SDC2: variants seen among roughly 807,000 people sequenced by gnomAD.
The protein encoded by SDC2 is syndecan 2, also known as syndecan-2.
A neutral mutation model predicts 22.2 loss-of-function variants in SDC2; 13 were observed. The observed-to-expected ratio is 0.59, with a 90% confidence interval of 0.38 to 0.93. The LOEUF (loss-of-function observed/expected upper bound fraction) is 0.93. Ranked by LOEUF, SDC2 falls within the 40% of genes least tolerant of loss-of-function variation. The pLI, the probability that SDC2 is intolerant of heterozygous loss-of-function variation, is 0.00. For synonymous variants in SDC2, 94 were observed against 92.8 expected (o/e 1.01, Z -0.07); for missense variants, 235 against 246.8 (o/e 0.95, Z 0.32).
At chr8:96,600,114 G>A (rs1814952972) in intron 2 of SDC2, among the ~76,000 whole-genome samples, 2 of 152,248 alleles carry the variant, frequency 1.3e-5, no homozygotes, top group East Asian at 1.9e-4. Context: ...AGCCATGATC[G>A]CACCCCTGCA....
intron 2 of SDC2, among the ~76,000 whole-genome samples, chr8:96,595,210 T>C (rs1814852472): frequency 6.6e-6 from 1 of 152,212 alleles, no homozygotes; most frequent in Non-Finnish European, 1.5e-5. Context: ...GTATAACTTT[T>C]GTGATCAGAT....
chr8:96,545,466 A>AG (rs1813916452), intron 1 of SDC2, among the ~76,000 whole-genome samples: 1 of 152,164 alleles, frequency 6.6e-6, no homozygotes, highest in Admixed American at 6.5e-5. Context: ...TGAGGACTTG[A>AG]GATTTGCCTT....
chr8:96,536,134 A>G (rs1473547105), intron 1 of SDC2, among the ~76,000 whole-genome samples: 1 of 149,792 alleles, frequency 6.7e-6, no homozygotes, highest in African/African-American at 2.4e-5. Context: ...GGCTTATCCT[A>G]GCTTTTCTTT....
At chr8:96,570,717 A>G (rs1814379634) in intron 1 of SDC2, among the ~76,000 whole-genome samples, 2 of 152,362 alleles carry the variant, frequency 1.3e-5, no homozygotes, top group Admixed American at 1.3e-4. Context: ...TGAAAAAAAT[A>G]TATAAAATAT....
At chr8:96,517,428 A>C (rs1270113505) in intron 1 of SDC2, among the ~76,000 whole-genome samples, 1 of 152,232 alleles carries the variant, frequency 6.6e-6, no homozygotes, top group Non-Finnish European at 1.5e-5. Context: ...GGAAACATCT[A>C]TTCCTATTTT....
chr8:96,576,416 C>CTT (rs71267268), intron 1 of SDC2, among the ~76,000 whole-genome samples: 31 of 13,812 alleles, frequency 2.2e-3, no homozygotes, highest in East Asian at 3.8e-3. Flanking sequence ...TTATTATTCT[C>CTT]TTTTTTTTTT....
In SDC2 at chr8:96,611,683, A is replaced by G. The variant is rs1266057521; in HGVS notation, c.*2135A>G. Reference sequence around the variant, plus strand: ...CTGCTGGGAATATCCGTGCCAGGAAAAGAAAAATTTCTGGCAAATATTTTG... The same window carrying G: ...CTGCTGGGAATATCCGTGCCAGGAAGAGAAAAATTTCTGGCAAATATTTTG... On this transcript the variant is annotated 3_prime_UTR_variant, in exon 5 of 5. Transcript: ENST00000302190. 1 of 152,666 alleles carries G rather than the reference A, an allele frequency of 6.6e-6. No homozygotes were observed. Among genetic ancestry groups the G allele is most frequent in the Non-Finnish European group, 1.5e-5 (1 of 68,042 alleles). 9.5% of individuals were successfully genotyped at this position (152,666 alleles called of 1,614,324 possible). A position where few individuals can be genotyped will look rare whatever the true frequency, so the allele number is the denominator to read the frequency against.
Position 96,532,412 on chromosome 8 carries a change from G to GTTTTTTTTTT in SDC2, c.60+38095_60+38104dup, listed in dbSNP as rs35452131. On this transcript the variant is annotated intron_variant, in intron 1 of 4. Coordinates refer to ENST00000302190, the MANE Select transcript of SDC2 (RefSeq NM_002998.4). ...CCTGAGTCTCTCTGCTTATTGAGGCGTTTTTTTTTTTTTTTTTTTTTTTGG... is the reference window on the plus strand; with the variant it reads ...CCTGAGTCTCTCTGCTTATTGAGGCGTTTTTTTTTTTTTTTTTTTTTTTTTTTTTTTTTGG... Among the ~76,000 whole-genome samples the GTTTTTTTTTT allele has an allele frequency of 1.9e-3, 92 of 47,938 alleles. 7 individuals carry two copies. The highest frequency in any genetic ancestry group is 8.9e-3 in the African/African-American group (85 of 9,550). The allele number at this position is 47,938 out of a possible 152,430, so 31.4% of individuals were successfully genotyped here.
At chr8:96,579,816 A>G (rs191940822) in intron 1 of SDC2, among the ~76,000 whole-genome samples, 275 of 152,330 alleles carry the variant, frequency 1.8e-3, no homozygotes, top group African/African-American at 6.3e-3. Flanking sequence ...GCTTTCTTTT[A>G]TCTGCTACAA....
intron 1 of SDC2, among the ~76,000 whole-genome samples, chr8:96,515,544 C>T (rs545287773): frequency 5.3e-5 from 8 of 152,264 alleles, no homozygotes; most frequent in Admixed American, 3.9e-4. Context: ...AAAATGTCCA[C>T]CTGTTAGAGA....
intron 2 of SDC2, 48 bp from the exon 3 acceptor site, chr8:96,602,347 T>A: frequency 6.3e-7 from 1 of 1,597,246 alleles, no homozygotes; most frequent in South Asian, 1.1e-5. Context: ...AATGGAGACA[T>A]CTGTGTCATG....
At chr8:96,576,374 G>T (rs11989404) in intron 1 of SDC2, among the ~76,000 whole-genome samples, 2,534 of 39,816 alleles carry the variant, frequency 0.064, 302 homozygotes, top group African/African-American at 0.21. Flanking sequence ...GTTTGTTTTT[G>T]TTTTGTTTTG....
At chr8:96,540,340 G>GTGTATATATATATATATATATATATA (rs4058341) in intron 1 of SDC2, among the ~76,000 whole-genome samples, 26 of 123,676 alleles carry the variant, frequency 2.1e-4, no homozygotes, top group South Asian at 1.5e-3. Context: ...ATATATATGT[G>GTGTATATATATATATATATATATATA]TATATATATA....
intron 1 of SDC2, among the ~76,000 whole-genome samples, chr8:96,507,205 T>C (rs1450803486): frequency 6.6e-6 from 1 of 152,206 alleles, no homozygotes; most frequent in East Asian, 1.9e-4. Context: ...AGGTAATTAG[T>C]GGCAGAGTTG....
intron 2 of SDC2, among the ~76,000 whole-genome samples, chr8:96,596,012 A>G (rs938619389): frequency 3.9e-5 from 6 of 152,220 alleles, no homozygotes; most frequent in African/African-American, 1.2e-4. Context: ...ATGAAGCAGC[A>G]GTACTTGTAA....
intron 1 of SDC2, among the ~76,000 whole-genome samples, chr8:96,553,685 A>G (rs1010410518): frequency 4.6e-5 from 7 of 152,200 alleles, no homozygotes; most frequent in Admixed American, 6.5e-5. Context: ...CACAAGTGTT[A>G]TTCTTTATGC....
At chr8:96,541,367 C>G (rs987207366) in intron 1 of SDC2, among the ~76,000 whole-genome samples, 2 of 151,844 alleles carry the variant, frequency 1.3e-5, no homozygotes, top group Non-Finnish European at 2.9e-5. Flanking sequence ...ATTAGCTGGA[C>G]ATGGCGGTGT....
At chr8:96,530,369 C>T (rs574968645) in intron 1 of SDC2, among the ~76,000 whole-genome samples, 6 of 152,244 alleles carry the variant, frequency 3.9e-5, no homozygotes, top group Non-Finnish European at 8.8e-5. Context: ...CGCGGTGGCT[C>T]ACGCCTGTAA....
chr8:96,574,604 C>T (rs1268116195), intron 1 of SDC2, among the ~76,000 whole-genome samples: 5 of 152,142 alleles, frequency 3.3e-5, no homozygotes, highest in African/African-American at 9.7e-5. Flanking sequence ...GCCAGGCCTG[C>T]TATCTGTGTG....
Sources: gnomAD v4.1 joint callset for allele counts (sites outside exome capture counted in the v4.1 genomes callset) on GRCh38, gnomAD v4.1.1 for gene constraint, MANE v1.5 for transcripts, NCBI Gene and HGNC (gene_info 2026-07-23, HGNC 2026-07-21) for gene names.